Variants in KNDC1 observed in about 807,000 individuals in gnomAD.
KNDC1 encodes the protein kinase non-catalytic C-lobe domain-containing protein 1.
In KNDC1, 106 loss-of-function variants were observed where a neutral mutation model predicts 172.8. The ratio of observed to expected loss-of-function variants is 0.61; its 90% confidence interval spans 0.52 to 0.72. The LOEUF is 0.72. KNDC1 is among the 30% of genes least tolerant of loss of function. The pLI is 0.00. For synonymous variants in KNDC1, 1,083 were observed against 1,062.2 expected (o/e 1.02, Z -0.38); for missense variants, 2,325 against 2,394.5 (o/e 0.97, Z 0.61).
At chr10:133,214,536 G>A (rs1032975846) in intron 26 of KNDC1, among the ~76,000 whole-genome samples, 1 of 151,924 alleles carries the variant, frequency 6.6e-6, no homozygotes, top group Non-Finnish European at 1.5e-5. Context: ...AGTCCCTCAC[G>A]CACCACCCCC....
intron 6 of KNDC1, among the ~76,000 whole-genome samples, chr10:133,188,124 C>T (rs1440656120): frequency 2.6e-5 from 4 of 152,188 alleles, no homozygotes; most frequent in Non-Finnish European, 5.9e-5. Context: ...CCCCTGCGTC[C>T]GTCCGTGGAT....
chr10:133,210,092 G>T (rs1286452066), intron 20 of KNDC1, among the ~76,000 whole-genome samples: 1 of 152,112 alleles, frequency 6.6e-6, no homozygotes, highest in Non-Finnish European at 1.5e-5. Flanking sequence ...GTTCAGAAAG[G>T]CCCTGGTGTT....
Position 133,186,266 on chromosome 10 carries a change from G to C in KNDC1, c.918G>C (p.Gln306His). 6.2e-7 allele frequency: 1 copy of C among 1,608,432 alleles called. No homozygotes were observed. The highest frequency in any genetic ancestry group is 8.5e-7 in the Non-Finnish European group (1 of 1,178,026). ...GGAGAAGCCGCCTGCGGAAGGTGCA[G>C]ACGTTCCCTAGGCTGCTGTCCGACA... ...ALRRSRLRKV[Q>H]TFPRLLSDSP... The change falls in exon 6 of 30, where the codon CAG becomes CAC. Residue 306 changes from glutamine (Q) to histidine (H), a missense_variant. Physicochemically the swap from Gln to His is conservative, Grantham distance 24. Transcript: ENST00000304613.
At chr10:133,162,258 C>G (rs1280203780) in intron 1 of KNDC1, among the ~76,000 whole-genome samples, 2 of 151,942 alleles carry the variant, frequency 1.3e-5, no homozygotes, top group African/African-American at 4.8e-5. Context: ...GACTCTGCTT[C>G]CCACACGTGT....
intron 29 of KNDC1, among the ~76,000 whole-genome samples, chr10:133,222,269 C>A (rs61860638): frequency 0.8 from 114,913 of 144,312 alleles, 46,760 homozygotes; most frequent in Non-Finnish European, 0.89. Flanking sequence ...GGCGATAGAG[C>A]GAGACTCCGT....
chr10:133,170,513 G>GT (rs1853344138), intron 3 of KNDC1, among the ~76,000 whole-genome samples: 1 of 152,198 alleles, frequency 6.6e-6, no homozygotes, highest in African/African-American at 2.4e-5. Flanking sequence ...CCTCTCCAGT[G>GT]AAGCTTTATA....
At chr10:133,210,254 C>T (rs1278097754) in intron 20 of KNDC1, among the ~76,000 whole-genome samples, 1 of 150,050 alleles carries the variant, frequency 6.7e-6, no homozygotes, top group East Asian at 2.0e-4. Flanking sequence ...GCATGGTAGG[C>T]GCCTGTAGTC....
chr10:133,181,344 T>TC (rs767115228), intron 3 of KNDC1, among the ~76,000 whole-genome samples: 5 of 151,696 alleles, frequency 3.3e-5, no homozygotes, highest in Non-Finnish European at 7.4e-5. Flanking sequence ...GGCTGGCAGG[T>TC]CCCCCCCGGA....
intron 3 of KNDC1, among the ~76,000 whole-genome samples, chr10:133,177,517 TGTG>T (rs1398349124): frequency 1.5e-5 from 2 of 136,572 alleles, no homozygotes; most frequent in Non-Finnish European, 3.2e-5. Context: ...ATGTGTGTAA[TGTG>T]TGTGCATGCA....
intron 26 of KNDC1, among the ~76,000 whole-genome samples, chr10:133,215,404 G>A (rs996111843): frequency 2.6e-5 from 4 of 152,222 alleles, no homozygotes; most frequent in African/African-American, 7.2e-5. Context: ...GGCCGTAAAC[G>A]AAGGCAGAGG....
chr10:133,224,306 G>A lies in KNDC1; in HGVS notation c.5019-353G>A, dbSNP rs118047155. On this transcript the variant is annotated intron_variant, in intron 29 of 29. Coordinates refer to ENST00000304613, the MANE Select transcript of KNDC1 (RefSeq NM_152643.8). The surrounding 1 kb of genome is among the most constrained non-coding windows in gnomAD (Gnocchi z 5.4). Reference sequence around the variant, plus strand: ...GCGATTCCCAGGTGTGAATGTGAACGCTCTGCACGGCAGCAGAGAGTCCCT... The same window carrying A: ...GCGATTCCCAGGTGTGAATGTGAACACTCTGCACGGCAGCAGAGAGTCCCT... 0.021 allele frequency among the ~76,000 whole-genome samples: 3,178 copies of A among 152,274 alleles called. 38 individuals carry two copies. Among genetic ancestry groups the A allele is most frequent in the Middle Eastern group, 0.037 (11 of 294 alleles).
rs757196710 is a variant in KNDC1 at position 133,211,620 on chromosome 10, A to C, written c.4056+51A>C. On this transcript the variant is annotated intron_variant, in intron 22 of 29. Coordinates refer to ENST00000304613, the MANE Select transcript of KNDC1 (RefSeq NM_152643.8). ...CCGCACCCGGGGCTCCCACAGTGGG[A>C]GGTGCCGCCCTCCTCCAGAAGGTGG... The C allele has an allele frequency of 1.9e-6, 3 of 1,600,286 alleles. No individual in the cohort carries two copies. In the East Asian group the frequency reaches 6.7e-5, roughly 36 times the overall value.
rs985475997 is a variant in KNDC1 at position 133,160,389 on chromosome 10, A to G, written c.-79A>G. Reference sequence around the variant, plus strand: ...GCGGGCGAGGGCCGGGCGCGTCTCCATGGAGCCAGGGCGCGCGTAGCCGAG... The same window carrying G: ...GCGGGCGAGGGCCGGGCGCGTCTCCGTGGAGCCAGGGCGCGCGTAGCCGAG... On this transcript the variant is annotated 5_prime_UTR_variant, in exon 1 of 30. The change abolishes an upstream ATG in the 5' untranslated region. Transcript: ENST00000304613. 93 of 782,810 alleles carry G rather than the reference A, an allele frequency of 1.2e-4. No individual in the cohort carries two copies. In the African/African-American group the frequency reaches 1.5e-3, roughly 13 times the overall value. The allele number at this position is 782,810 out of a possible 1,614,324, so 48.5% of individuals were successfully genotyped here. A position where few individuals can be genotyped will look rare whatever the true frequency, so the allele number is the denominator to read the frequency against.
chr10:133,194,658 T>C (rs1314847450), intron 9 of KNDC1, among the ~76,000 whole-genome samples: 4 of 152,170 alleles, frequency 2.6e-5, no homozygotes, highest in Admixed American at 2.0e-4. Context: ...GGGGAGACTC[T>C]GTAAAGGGGA....
At chr10:133,169,740 G>T (rs753487886) in intron 3 of KNDC1, among the ~76,000 whole-genome samples, 1 of 152,026 alleles carries the variant, frequency 6.6e-6, no homozygotes, top group Non-Finnish European at 1.5e-5. Flanking sequence ...TGAACGCAGC[G>T]CATGGCCTGG....
In KNDC1 at chr10:133,167,597, G is replaced by A. The variant is rs1853213818; in HGVS notation, c.301+18G>A. 6.4e-7 allele frequency: 1 copy of A among 1,564,062 alleles called. No individual in the cohort carries two copies. Among genetic ancestry groups the A allele is most frequent in the Non-Finnish European group, 8.7e-7 (1 of 1,155,150 alleles). On this transcript the variant is annotated intron_variant, in intron 2 of 29. Coordinates refer to ENST00000304613, the MANE Select transcript of KNDC1 (RefSeq NM_152643.8). Reference sequence around the variant, plus strand: ...GCTCAGCGGTGAGGCGGCGGTGGCGGTGGCGGCGGCGGCGGGCACGCGGGG... The same window carrying A: ...GCTCAGCGGTGAGGCGGCGGTGGCGATGGCGGCGGCGGCGGGCACGCGGGG...
At position 133,212,814 on chromosome 10, in the gene KNDC1, C is replaced by T; in HGVS notation, c.4335C>T (p.Phe1445=). ...CTGCCGCCCTGCCCAAGCCCTGCTTCCTCGAGGACTTCTACGGCCCCTGCG... is the reference window on the plus strand; with the variant it reads ...CTGCCGCCCTGCCCAAGCCCTGCTTTCTCGAGGACTTCTACGGCCCCTGCG... ...TIAAALPKPC[F]LEDFYGPCAK... The change falls in exon 24 of 30, where the codon TTC becomes TTT. Residue 1445 remains phenylalanine, a synonymous_variant. Transcript: ENST00000304613. The T allele has an allele frequency of 6.2e-7, 1 of 1,614,032 alleles. No homozygotes were observed. Among genetic ancestry groups the T allele is most frequent in the Non-Finnish European group, 8.5e-7 (1 of 1,179,966 alleles).
At chr10:133,165,423 G>T (rs1425234304) in intron 1 of KNDC1, among the ~76,000 whole-genome samples, 1 of 152,218 alleles carries the variant, frequency 6.6e-6, no homozygotes, top group Non-Finnish European at 1.5e-5. Flanking sequence ...CATTCTGTGG[G>T]CTGGCGGCAG....
At chr10:133,203,105 ACGGCG>A (rs1479681306) in intron 17 of KNDC1, among the ~76,000 whole-genome samples, 9 of 87,900 alleles carry the variant, frequency 1.0e-4, no homozygotes, top group African/African-American at 3.1e-4. Context: ...CCCCAAACGC[ACGGCG>A]TCCAGCGGGG....
Sources: allele counts gnomAD v4.1 joint callset (sites outside exome capture counted in the v4.1 genomes callset), GRCh38; gene constraint gnomAD v4.1.1; non-coding constraint Gnocchi (gnomAD v3.1); transcripts MANE v1.5; gene names NCBI Gene and HGNC (gene_info 2026-07-23, HGNC 2026-07-21).